The following ROCK2 variants were observed in gnomAD, a reference collection of about 807,000 sequenced individuals.
ROCK2 encodes Rho associated coiled-coil containing protein kinase 2.
A neutral mutation model predicts 195.1 loss-of-function variants in ROCK2; 61 were observed. The ratio of observed to expected loss-of-function variants is 0.31; its 90% confidence interval spans 0.25 to 0.39. The LOEUF (loss-of-function observed/expected upper bound fraction) is 0.39, where lower values mean the gene tolerates loss of function less well. Ranked by LOEUF, ROCK2 falls within the 10% of genes least tolerant of loss-of-function variation. ROCK2 has a pLI of 1.00. For missense variants in ROCK2, 1,109 were observed against 1,637.4 expected (o/e 0.68, Z 5.57); for synonymous variants, 504 against 545.5 (o/e 0.92, Z 1.06).
intron 1 of ROCK2, among the ~76,000 whole-genome samples, chr2:11,309,984 G>C (rs951221056): frequency 6.6e-6 from 1 of 151,492 alleles, no homozygotes; most frequent in African/African-American, 2.4e-5. Context: ...ACAAAAAAAA[G>C]AAAAGAAATG....
intron 1 of ROCK2, among the ~76,000 whole-genome samples, chr2:11,314,707 T>C (rs1230090667): frequency 1.3e-5 from 2 of 152,026 alleles, no homozygotes; most frequent in African/African-American, 4.8e-5. Context: ...CCACTAAAGA[T>C]GTTCTTCAAA....
At chr2:11,345,118 C>T (rs904933928), upstream of ROCK2, among the ~76,000 whole-genome samples, 3 of 152,308 alleles carry the variant, frequency 2.0e-5, no homozygotes, top group East Asian at 1.9e-4. Flanking sequence ...GAGCTCGGCG[C>T]CCGCGAGGGG....
chr2:11,212,463 C>G (rs1053704732), intron 17 of ROCK2, among the ~76,000 whole-genome samples: 1 of 151,930 alleles, frequency 6.6e-6, no homozygotes, highest in Non-Finnish European at 1.5e-5. Flanking sequence ...CTCACTGCCC[C>G]CCTTAAAACT....
At chr2:11,286,262 C>T in intron 3 of ROCK2, among the ~76,000 whole-genome samples, 1 of 37,658 alleles carries the variant, frequency 2.7e-5, no homozygotes, top group African/African-American at 5.7e-5. Context: ...TCTGAACATT[C>T]TAAATAAAAA....
chr2:11,280,892 C>T (rs1666979001), intron 3 of ROCK2, among the ~76,000 whole-genome samples: 1 of 152,008 alleles, frequency 6.6e-6, no homozygotes. Flanking sequence ...GGGAATATTT[C>T]CAGAATCATT....
rs199798423 is a variant in ROCK2 at position 11,250,149 on chromosome 2, G to GA, written c.325-352dup. ...AAGAAACTTAAAATATATGTCTACTGAAAAAAAACCATTTATGTAAGTAGT... is the reference window on the plus strand; with the variant it reads ...AAGAAACTTAAAATATATGTCTACTGAAAAAAAAACCATTTATGTAAGTAGT... On this transcript the variant is annotated intron_variant, in intron 3 of 32. Coordinates refer to ENST00000315872, the MANE Select transcript of ROCK2 (RefSeq NM_004850.5). Among the ~76,000 whole-genome samples, 997 of 151,534 alleles carry GA rather than the reference G, an allele frequency of 6.6e-3. 6 individuals carry two copies. The highest frequency in any genetic ancestry group is 0.01 in the Middle Eastern group (3 of 294).
chr2:11,254,727 TAAAAAAA>T (rs10640683), intron 3 of ROCK2, among the ~76,000 whole-genome samples: 16 of 39,130 alleles, frequency 4.1e-4, no homozygotes, highest in African/African-American at 7.9e-4. Flanking sequence ...CCCTGTCTCT[TAAAAAAA>T]AAAAAAAAAA....
At chr2:11,318,989 T>C (rs1668316816) in intron 1 of ROCK2, among the ~76,000 whole-genome samples, 3 of 152,066 alleles carry the variant, frequency 2.0e-5, no homozygotes. Flanking sequence ...CAGTACCATG[T>C]TGTTTTGGTT....
intron 3 of ROCK2, 30 bp downstream of exon 3, chr2:11,286,509 G>GGC: frequency 7.4e-7 from 1 of 1,353,904 alleles, no homozygotes; most frequent in East Asian, 2.3e-5. Flanking sequence ...TGATGTCATA[G>GGC]AGAACAATAA....
In ROCK2 at chr2:11,197,669, C is replaced by A; in HGVS notation, c.3136G>T (p.Glu1046Ter). 1 of 1,598,714 alleles carries A rather than the reference C, an allele frequency of 6.3e-7. No individual in the cohort carries two copies. The highest frequency in any genetic ancestry group is 8.5e-7 in the Non-Finnish European group (1 of 1,172,636). ...NKLAEIMNRK[E>*]PVKRGNDTDV... ...GTGTCATTACCACGCTTGACAGGTT[C>A]TTTTCGATTCATGATCTCAGCCAAC... Residue 1046 changes from glutamate to a stop codon, truncating the protein, a stop_gained, in exon 26 of 33, where the codon GAA becomes TAA. Coordinates refer to ENST00000315872, the MANE Select transcript of ROCK2 (RefSeq NM_004850.5). LOFTEE classifies it high-confidence loss of function. This position sits in a 1 kb window ranked among gnomAD's most constrained non-coding sequence, Gnocchi z 4.9.
At chr2:11,259,501 A>G (rs1572324398) in intron 3 of ROCK2, among the ~76,000 whole-genome samples, 1 of 151,480 alleles carries the variant, frequency 6.6e-6, no homozygotes, top group Non-Finnish European at 1.5e-5. Flanking sequence ...CTGCCACTTA[A>G]TTCTTTCTCC....
intron 4 of ROCK2, among the ~76,000 whole-genome samples, chr2:11,237,767 G>T (rs895788699): frequency 6.6e-6 from 1 of 152,156 alleles, no homozygotes; most frequent in African/African-American, 2.4e-5. Flanking sequence ...AATTATTCAA[G>T]AATATAGTTT....
At chr2:11,284,998 C>T (rs1028516893) in intron 3 of ROCK2, among the ~76,000 whole-genome samples, 1 of 152,230 alleles carries the variant, frequency 6.6e-6, no homozygotes, top group African/African-American at 2.4e-5. Flanking sequence ...TGCAGTGGCT[C>T]ACGCCTGTAA....
chr2:11,256,539 A>G (rs561901123), intron 3 of ROCK2, among the ~76,000 whole-genome samples: 11 of 151,216 alleles, frequency 7.3e-5, no homozygotes, highest in South Asian at 2.1e-4. Flanking sequence ...CTTTACAGCA[A>G]TGTGAGAACG....
chr2:11,321,053 C>T (rs574090173), intron 1 of ROCK2, among the ~76,000 whole-genome samples: 1 of 152,262 alleles, frequency 6.6e-6, no homozygotes, highest in South Asian at 2.1e-4. Context: ...AATGGAAAAC[C>T]CTACAATTCA....
chr2:11,291,175 A>G (rs1267007789), intron 1 of ROCK2, among the ~76,000 whole-genome samples: 1 of 152,264 alleles, frequency 6.6e-6, no homozygotes, highest in Non-Finnish European at 1.5e-5. Flanking sequence ...TTTCCTGAAC[A>G]CAGAGCCTTT....
At chr2:11,216,402 G>A (rs890234931) in intron 12 of ROCK2, among the ~76,000 whole-genome samples, 196 bp from the exon 13 acceptor site, 2 of 152,014 alleles carry the variant, frequency 1.3e-5, no homozygotes, top group Admixed American at 6.6e-5. Flanking sequence ...ACGTTCAAGC[G>A]ACTGTCCTGC....
At chr2:11,187,187 C>T (rs76559004) in intron 32 of ROCK2, among the ~76,000 whole-genome samples, 11,393 of 152,244 alleles carry the variant, frequency 0.075, 629 homozygotes, top group African/African-American at 0.15. Flanking sequence ...CCCCCCATAT[C>T]CTTGTCTTCA....
chr2:11,245,765 C>G (rs1170396949), intron 4 of ROCK2, among the ~76,000 whole-genome samples: 2 of 151,948 alleles, frequency 1.3e-5, no homozygotes, highest in African/African-American at 4.8e-5. Context: ...CAACCTCATT[C>G]TGATCCCACT....
Sources: allele counts gnomAD v4.1 joint callset (sites outside exome capture counted in the v4.1 genomes callset), GRCh38; gene constraint gnomAD v4.1.1; non-coding constraint Gnocchi (gnomAD v3.1); transcripts MANE v1.5; gene names NCBI Gene and HGNC (gene_info 2026-07-23, HGNC 2026-07-21).